DNAH2: variants seen among roughly 807,000 people sequenced by gnomAD.
DNAH2 encodes axonemal beta dynein heavy chain 2.
DNAH2 carries 323 observed loss-of-function variants against 523.5 expected under a neutral mutation model. The ratio of observed to expected loss-of-function variants is 0.62; its 90% confidence interval spans 0.56 to 0.68. The LOEUF is 0.68. DNAH2 is among the 30% of genes least tolerant of loss of function. The pLI is 0.00. For synonymous variants in DNAH2, 2,093 were observed against 2,177.4 expected, an observed-to-expected ratio of 0.96 and a Z score of 1.08; for missense variants, 4,907 against 5,701.5, an observed-to-expected ratio of 0.86 and a Z score of 4.49.
rs944566336 is a variant in DNAH2, at chr17:7,786,975, T to C, written c.6545T>C (p.Met2182Thr). ...TLWIENMNSV[M>T]DDNKVLTLIN... ...TGGATCGAGAACATGAACTCCGTCA[T>C]GGACGATAACAAGGTGTTGACCCTC... Residue 2182 changes from methionine to threonine, a missense_variant, in exon 42 of 86, where the codon ATG (methionine) becomes ACG (threonine). By Grantham distance (81) the Met-to-Thr change is moderately conservative (BLOSUM62 -1). This residue lies in a region of DNAH2 where 2,806 missense variants were observed against 3,190.8 expected (regional missense o/e 0.88). Transcript: ENST00000572933. This position sits in a 1 kb window ranked among gnomAD's most constrained non-coding sequence, Gnocchi z 7.5. The C allele has an allele frequency of 8.1e-6, 13 of 1,614,160 alleles. No individual in the cohort carries two copies. In the African/African-American group the frequency reaches 1.2e-4, roughly 15 times the overall value.
Position 7,832,992 on chromosome 17 carries a change from G to A in DNAH2, c.12978+64G>A. On this transcript the variant is annotated intron_variant, in intron 84 of 85. Transcript: ENST00000572933. This position sits in a 1 kb window ranked among gnomAD's most constrained non-coding sequence, Gnocchi z 4.3. ...GGTACTGGAAATAATTGGACGAAAA[G>A]GGAGGAGAGAGGGAGCAGGTCAGGG... 2 of 1,613,702 alleles carry A rather than the reference G, an allele frequency of 1.2e-6. No homozygotes were observed. Among genetic ancestry groups the A allele is most frequent in the Admixed American group, 1.7e-5 (1 of 60,002 alleles).
chr17:7,799,643 C>G (rs1281815256), intron 56 of DNAH2, among the ~76,000 whole-genome samples: 3 of 152,050 alleles, frequency 2.0e-5, no homozygotes. Context: ...GGTGAAACCC[C>G]GTCTCTACTA....
In DNAH2 at chr17:7,817,364, C is replaced by T; in HGVS notation, c.9969C>T (p.Pro3323=). The T allele has an allele frequency of 2.5e-6, 4 of 1,613,578 alleles. No individual in the cohort carries two copies. Among genetic ancestry groups the T allele is most frequent in the African/African-American group, 2.7e-5 (2 of 74,974 alleles). ...CTGCCTTCCTGTCCTACATGGGACCCTTCCTGACCAACTACCGGGATGAGA... is the reference window on the plus strand; with the variant it reads ...CTGCCTTCCTGTCCTACATGGGACCTTTCCTGACCAACTACCGGGATGAGA... The part of the protein sequence containing the change: ...LAAAFLSYMG[P]FLTNYRDEIV... Residue 3323 remains proline (P), a synonymous_variant, in exon 65 of 86, where the codon CCC becomes CCT. Coordinates refer to ENST00000572933, the MANE Select transcript of DNAH2 (RefSeq NM_020877.5).
chr17:7,780,517 C>T lies in DNAH2; in HGVS notation c.5851-113C>T. 1.3e-6 allele frequency: 2 copies of T among 1,496,972 alleles called. No homozygotes were observed. Among genetic ancestry groups the T allele is most frequent in the Non-Finnish European group, 9.1e-7 (1 of 1,099,558 alleles). 92.7% of individuals were successfully genotyped at this position (1,496,972 alleles called of 1,614,324 possible). On this transcript the variant is annotated intron_variant, in intron 37 of 85. Coordinates refer to ENST00000572933, the MANE Select transcript of DNAH2 (RefSeq NM_020877.5). This position sits in a 1 kb window ranked among gnomAD's most constrained non-coding sequence, Gnocchi z 4.4. ...TTCCTCAGGAGAATCCATAGAGTGC[C>T]TCCTAGCTGCTTCATGTCCTGGGAC...
Position 7,833,432 on chromosome 17 carries a change from C to A in DNAH2, c.13183C>A (p.Arg4395=), listed in dbSNP as rs1472542995. Reference sequence around the variant, plus strand: ...TCCCAACCGGGCAGGCAGCTCAGACCGAGCCTCCTTTGTCATCGGCATTGA... The same window carrying A: ...TCCCAACCGGGCAGGCAGCTCAGACAGAGCCTCCTTTGTCATCGGCATTGA... The part of the protein sequence containing the change: ...YYPNRAGSSD[R]ASFVIGIDLR... Residue 4395 remains arginine (R), a synonymous_variant, in exon 86 of 86, where the codon CGA becomes AGA. Transcript: ENST00000572933. 6.2e-7 allele frequency: 1 copy of A among 1,614,166 alleles called. No homozygotes were observed. The highest frequency in any genetic ancestry group is 8.5e-7 in the Non-Finnish European group (1 of 1,180,046).
chr17:7,777,258 A>C (rs2076481079), intron 32 of DNAH2, among the ~76,000 whole-genome samples, 188 bp from the exon 33 acceptor site: 1 of 152,010 alleles, frequency 6.6e-6, no homozygotes, highest in Non-Finnish European at 1.5e-5. Context: ...CTGGTGGAAA[A>C]GGGCCAGAGC....
At chr17:7,765,684 G>C in intron 21 of DNAH2, 119 bp downstream of exon 21, 1 of 1,195,134 alleles carries the variant, frequency 8.4e-7, no homozygotes. Flanking sequence ...TGCTGGGGTG[G>C]GGGAAGAGCC....
chr17:7,768,061 G>C lies in DNAH2; in HGVS notation c.3837G>C (p.Lys1279Asn). ...TCACAAAATTAGCCAAAGAGTATAA[G>C]GTGGGGAGAAACGGCGGGGAGGCGG... ...RRLTKLAKEY[K>N]DRNWEIIETT... is the part of the protein sequence containing the mutation. Residue 1279 changes from lysine (K) to asparagine (N), a missense_variant and splice_region_variant, in exon 23 of 86, where the codon AAG (lysine) becomes AAC (asparagine). Coordinates refer to ENST00000572933, the MANE Select transcript of DNAH2 (RefSeq NM_020877.5). 1 of 1,614,184 alleles carries C rather than the reference G, an allele frequency of 6.2e-7. No individual in the cohort carries two copies. The highest frequency in any genetic ancestry group is 8.5e-7 in the Non-Finnish European group (1 of 1,180,028).
intron 3 of DNAH2, among the ~76,000 whole-genome samples, chr17:7,726,820 G>A (rs1381521046): frequency 2.0e-5 from 3 of 152,022 alleles, no homozygotes; most frequent in Non-Finnish European, 2.9e-5. Context: ...CTTTGAGATC[G>A]AGGGCTGACA....
At chr17:7,727,814 A>T (rs2074871236) in intron 4 of DNAH2, among the ~76,000 whole-genome samples, 1 of 151,814 alleles carries the variant, frequency 6.6e-6, no homozygotes, top group Non-Finnish European at 1.5e-5. Context: ...AGACAGACAT[A>T]TAAGCAAATA....
chr17:7,774,469 C>T (rs1679158932), intron 28 of DNAH2, among the ~76,000 whole-genome samples: 1 of 152,028 alleles, frequency 6.6e-6, no homozygotes, highest in South Asian at 2.1e-4. Context: ...AACCATGGGA[C>T]GTGAAACTGT....
Position 7,807,363 on chromosome 17 carries a change from C to G in DNAH2, c.9612+44C>G. The G allele has an allele frequency of 6.2e-6, 10 of 1,603,890 alleles. No homozygotes were observed. Among genetic ancestry groups the G allele is most frequent in the African/African-American group, 1.3e-5 (1 of 74,788 alleles). On this transcript the variant is annotated intron_variant, in intron 62 of 85. Coordinates refer to ENST00000572933, the MANE Select transcript of DNAH2 (RefSeq NM_020877.5). The surrounding 1 kb of genome is among the most constrained non-coding windows in gnomAD (Gnocchi z 5.6). Reference sequence around the variant, plus strand: ...GGGCGGGGCGGTAGGGAGGGCAGGCCTGGGGGAGTGCGGATGCACAGACCC... The same window carrying G: ...GGGCGGGGCGGTAGGGAGGGCAGGCGTGGGGGAGTGCGGATGCACAGACCC...
Position 7,816,714 on chromosome 17 carries a change from C to T in DNAH2, c.9873C>T (p.Ala3291=), listed in dbSNP as rs1170857348. 6.2e-7 allele frequency: 1 copy of T among 1,613,968 alleles called. No individual in the cohort carries two copies. The highest frequency in any genetic ancestry group is 2.2e-5 in the East Asian group (1 of 44,880). Residue 3291 remains alanine (A), a synonymous_variant, in exon 64 of 86, where the codon GCC becomes GCT. Coordinates refer to ENST00000572933, the MANE Select transcript of DNAH2 (RefSeq NM_020877.5). ...MLVSGLAGEK[A]RWEETVQGLE... ...TGTCGGGGTTGGCTGGCGAGAAGGCCAGATGGGAGGAGACAGTCCAGGTGA... is the reference window on the plus strand; with the variant it reads ...TGTCGGGGTTGGCTGGCGAGAAGGCTAGATGGGAGGAGACAGTCCAGGTGA...
intron 11 of DNAH2, among the ~76,000 whole-genome samples, chr17:7,741,303 TTCCCTCCC>T (rs1215822910): frequency 1.3e-5 from 1 of 76,812 alleles, no homozygotes; most frequent in Non-Finnish European, 2.4e-5. Context: ...TCTTCCTTCC[TTCCCTCCC>T]TCCCTCCCTC....
intron 12 of DNAH2, among the ~76,000 whole-genome samples, chr17:7,749,887 C>T (rs1279747828): frequency 6.6e-6 from 1 of 152,024 alleles, no homozygotes. Context: ...CCTAGCTACT[C>T]AGGAGGCTGA....
chr17:7,805,478 A>G, intron 61 of DNAH2, 85 bp downstream of exon 61: 2 of 1,580,584 alleles, frequency 1.3e-6, no homozygotes, highest in Admixed American at 3.4e-5. Flanking sequence ...TCAGAAAGAT[A>G]GGGATGGATG....
intron 77 of DNAH2, among the ~76,000 whole-genome samples, chr17:7,825,701 T>C (rs1025615579): frequency 5.3e-5 from 8 of 152,212 alleles, no homozygotes; most frequent in Admixed American, 5.2e-4. Context: ...TTTCACAAGT[T>C]GTTGGAGAAA....
chr17:7,761,411 G>A (rs1013827583), intron 18 of DNAH2, among the ~76,000 whole-genome samples: 1 of 152,046 alleles, frequency 6.6e-6, no homozygotes, highest in African/African-American at 2.4e-5. Context: ...GGGACCACAG[G>A]CACATGCCAC....
At position 7,780,716 on chromosome 17, in the gene DNAH2, C is replaced by T. The variant is rs113925528; in HGVS notation, c.5937C>T (p.Ala1979=). Residue 1979 remains alanine (A), a synonymous_variant, in exon 38 of 86, where the codon GCC becomes GCT. Transcript: ENST00000572933. The surrounding 1 kb of genome is among the most constrained non-coding windows in gnomAD (Gnocchi z 4.4). ...RQDHYDFGLR[A]LTSLLRYAGK... ...ACCACTATGACTTTGGCCTGCGTGC[C>T]CTCACCTCCCTTCTGCGCTATGCTG... is the stretch of plus-strand genomic sequence containing the variant. The T allele has an allele frequency of 3.7e-6, 6 of 1,614,234 alleles. No individual in the cohort carries two copies. The highest frequency in any genetic ancestry group is 1.3e-5 in the African/African-American group (1 of 75,058).
Sources: gnomAD v4.1 joint callset for allele counts (sites outside exome capture counted in the v4.1 genomes callset) on GRCh38, gnomAD v4.1.1 for gene constraint, gnomAD v4.1.1 regional missense constraint, Gnocchi (gnomAD v3.1) non-coding constraint, MANE v1.5 for transcripts, NCBI Gene and HGNC (gene_info 2026-07-23, HGNC 2026-07-21) for gene names.